The following SRGAP3 variants were observed in gnomAD, a reference collection of about 807,000 sequenced individuals.
SRGAP3 encodes SLIT-ROBO Rho GTPase activating protein 3.
Under a neutral mutation model 121.1 loss-of-function variants are expected in SRGAP3, and 39 were observed. The ratio of observed to expected loss-of-function variants is 0.32; its 90% CI spans 0.25 to 0.42. The LOEUF is 0.42. SRGAP3 is among the 10% of genes least tolerant of loss of function. The probability of loss-of-function intolerance (pLI) is 1.00; values close to 1 mark genes in which losing one functional copy is unlikely to be tolerated. For synonymous variants in SRGAP3, 601 were observed against 570.0 expected, an observed-to-expected ratio of 1.05 and a Z score of -0.77; for missense variants, 1,213 against 1,470.6, an observed-to-expected ratio of 0.82 and a Z score of 2.86.
upstream of SRGAP3, among the ~76,000 whole-genome samples, chr3:9,253,798 A>G (rs1180525427): frequency 6.6e-6 from 1 of 152,186 alleles, no homozygotes; most frequent in Non-Finnish European, 1.5e-5. Context: ...AGGCTCTTTC[A>G]TATCATTTGT....
intron 1 of SRGAP3, among the ~76,000 whole-genome samples, chr3:9,125,694 A>G (rs1949197722): frequency 6.6e-6 from 1 of 152,186 alleles, no homozygotes; most frequent in African/African-American, 2.4e-5. Flanking sequence ...AACCACATCC[A>G]TTCTTGTCTT....
At chr3:9,068,517 CG>C (rs1246465460) in intron 4 of SRGAP3, among the ~76,000 whole-genome samples, 1 of 152,142 alleles carries the variant, frequency 6.6e-6, no homozygotes, top group African/African-American at 2.4e-5. Context: ...GTGATCTACT[CG>C]ATTCCTGATT....
At chr3:9,020,439 A>G (rs562314266) in intron 14 of SRGAP3, among the ~76,000 whole-genome samples, 1 of 152,192 alleles carries the variant, frequency 6.6e-6, no homozygotes, top group South Asian at 2.1e-4. Context: ...TCCCTGTAGC[A>G]GCCTAAGGAA....
At chr3:9,029,700 A>G (rs1305303142) in intron 12 of SRGAP3, among the ~76,000 whole-genome samples, 1 of 152,242 alleles carries the variant, frequency 6.6e-6, no homozygotes, top group East Asian at 1.9e-4. Context: ...AATACATTAT[A>G]CTGCCTTTTC....
intron 1 of SRGAP3, among the ~76,000 whole-genome samples, chr3:9,131,184 A>G (rs567566467): frequency 5.3e-5 from 8 of 152,366 alleles, no homozygotes; most frequent in African/African-American, 1.4e-4. Context: ...AATAAAATAA[A>G]ACAGAATTGT....
chr3:9,323,715 CA>C (rs1159610483), intron 3 of SRGAP3, among the ~76,000 whole-genome samples: 1 of 151,304 alleles, frequency 6.6e-6, no homozygotes, highest in African/African-American at 2.4e-5. Context: ...AAGTAATGAC[CA>C]GTTCTGGTTT....
At chr3:9,104,922 T>C in intron 2 of SRGAP3, 80 bp from the exon 3 acceptor site, 3 of 1,558,488 alleles carry the variant, frequency 1.9e-6, no homozygotes, top group Non-Finnish European at 2.7e-6. Flanking sequence ...CCACTTCAGC[T>C]CTTTTAACCT....
Position 9,286,881 on chromosome 3 carries a change from C to T in SRGAP3, n.442+39129G>A, listed in dbSNP as rs184339074. Among the ~76,000 whole-genome samples, 28 of 148,832 alleles carry T rather than the reference C, an allele frequency of 1.9e-4. No homozygotes were observed. In the East Asian group the frequency reaches 3.7e-3, roughly 20 times the overall value. On this transcript the variant is annotated intron_variant and non_coding_transcript_variant, in intron 3 of 3. Coordinates refer to the SRGAP3 transcript ENST00000490889. ...CCTCCCAAAGTGCTGGGATTACAGG[C>T]GTGAGCCACCGCCCCTAGGCTATCT...
intron 11 of SRGAP3, chr3:9,033,839 G>A (rs773465888): frequency 3.3e-5 from 5 of 152,258 alleles, no homozygotes; most frequent in Non-Finnish European, 7.3e-5. Context: ...CTGTGAAGGA[G>A]AACTGACAGA....
intron 1 of SRGAP3, among the ~76,000 whole-genome samples, chr3:9,334,089 CAAT>C (rs949273443): frequency 1.9e-4 from 29 of 151,662 alleles, no homozygotes; most frequent in Non-Finnish European, 2.9e-4. Context: ...ATGATATTAA[CAAT>C]AATACTTCAC....
intron 1 of SRGAP3, among the ~76,000 whole-genome samples, chr3:9,150,928 C>T (rs1246236923): frequency 6.6e-6 from 1 of 152,180 alleles, no homozygotes; most frequent in Non-Finnish European, 1.5e-5. Context: ...ACCTTCCAGT[C>T]TAGAAGAAAC....
rs116107566 is a variant in SRGAP3, at chr3:9,307,776, C to G, written n.442+18234G>C. Among the ~76,000 whole-genome samples, 1,396 of 152,280 alleles carry G rather than the reference C, an allele frequency of 9.2e-3. 20 individuals carry two copies. Among genetic ancestry groups the G allele is most frequent in the African/African-American group, 0.031 (1,307 of 41,560 alleles). On this transcript the variant is annotated intron_variant and non_coding_transcript_variant, in intron 3 of 3. Coordinates refer to the SRGAP3 transcript ENST00000490889. ...ATCAGAGAATCAAAAATTACTTAAT[C>G]AGAATTGCAAAAGTTAGAAACAACC...
Position 8,984,240 on chromosome 3 carries a change from C to T in SRGAP3, c.*1279G>A. ...CTTGTATTAACTCAACTGACAGTGT[C>T]CTCTAGGACAGAAAGTGCCAAGGAC... On this transcript the variant is annotated 3_prime_UTR_variant, in exon 22 of 22. Coordinates refer to ENST00000383836, the MANE Select transcript of SRGAP3 (RefSeq NM_014850.4). 1 of 229,962 alleles carries T rather than the reference C, an allele frequency of 4.3e-6. No individual in the cohort carries two copies. Among genetic ancestry groups the T allele is most frequent in the Non-Finnish European group, 8.6e-6 (1 of 115,972 alleles). 14.2% of individuals were successfully genotyped at this position (229,962 alleles called of 1,614,324 possible). A position where few individuals can be genotyped will look rare whatever the true frequency, so the allele number is the denominator to read the frequency against.
intron 1 of SRGAP3, among the ~76,000 whole-genome samples, chr3:9,348,186 A>G (rs993790186): frequency 6.6e-6 from 1 of 152,190 alleles, no homozygotes; most frequent in Admixed American, 6.5e-5. Flanking sequence ...CATCCAAGAC[A>G]AAGCTCCAAA....
At chr3:9,356,412 G>A (rs1308202648) in intron 1 of SRGAP3, among the ~76,000 whole-genome samples, 3 of 110,894 alleles carry the variant, frequency 2.7e-5, no homozygotes, top group African/African-American at 3.6e-5. Flanking sequence ...CCGCTCTATC[G>A]CCCAGGCTGG....
intron 1 of SRGAP3, among the ~76,000 whole-genome samples, chr3:9,341,623 C>G (rs1191661158): frequency 1.3e-5 from 2 of 152,178 alleles, no homozygotes; most frequent in Non-Finnish European, 1.5e-5. Context: ...TGGCAGACAA[C>G]TTGGTCAACT....
chr3:9,290,280 T>C (rs939296783), intron 3 of SRGAP3, among the ~76,000 whole-genome samples: 4 of 152,140 alleles, frequency 2.6e-5, no homozygotes, highest in Admixed American at 1.3e-4. Flanking sequence ...AATTTTTAGT[T>C]GTTTACAACA....
At chr3:9,011,703 C>A (rs984723370) in intron 17 of SRGAP3, among the ~76,000 whole-genome samples, 1 of 152,204 alleles carries the variant, frequency 6.6e-6, no homozygotes, top group African/African-American at 2.4e-5. Context: ...TGTTTGGTTA[C>A]ATCTCTGACT....
At chr3:9,027,553 A>C (rs559893198) in intron 12 of SRGAP3, among the ~76,000 whole-genome samples, 6 of 152,364 alleles carry the variant, frequency 3.9e-5, no homozygotes, top group African/African-American at 1.4e-4. Flanking sequence ...TGCATTTAAC[A>C]GTAAACATGT....
Sources: allele counts gnomAD v4.1 joint callset (sites outside exome capture counted in the v4.1 genomes callset), GRCh38; gene constraint gnomAD v4.1.1; transcripts MANE v1.5; gene names NCBI Gene and HGNC (gene_info 2026-07-23, HGNC 2026-07-21).